Variants in ELMO1 observed in about 807,000 individuals in gnomAD.
The protein encoded by ELMO1 is engulfment and cell motility 1.
In ELMO1, 26 loss-of-function variants were observed where a neutral mutation model predicts 98.9. The ratio of observed to expected loss-of-function variants is 0.26; its 90% CI spans 0.19 to 0.36. The LOEUF is 0.36. ELMO1 is among the 10% of genes least tolerant of loss of function. The pLI is 1.00. For missense variants in ELMO1, 627 were observed against 935.2 expected (o/e 0.67, Z 4.30); for synonymous variants, 346 against 346.0 (o/e 1.00, Z 0.00).
At chr7:36,910,364 A>C (rs1258451693) in intron 16 of ELMO1, among the ~76,000 whole-genome samples, 2 of 152,232 alleles carry the variant, frequency 1.3e-5, no homozygotes, top group East Asian at 3.8e-4. Flanking sequence ...AAAGGAGGAA[A>C]GACCACTTCC....
chr7:37,159,591 T>C (rs1024092717), intron 13 of ELMO1, among the ~76,000 whole-genome samples: 4 of 152,042 alleles, frequency 2.6e-5, no homozygotes, highest in African/African-American at 9.7e-5. Flanking sequence ...TCCCAGCTAC[T>C]GGGGAGGCTG....
intron 1 of ELMO1, among the ~76,000 whole-genome samples, chr7:37,344,492 T>TAGG (rs969110857): frequency 1.3e-5 from 2 of 152,236 alleles, no homozygotes; most frequent in African/African-American, 4.8e-5. Context: ...ATTTGGGTGA[T>TAGG]TTCTTAAGTT....
intron 1 of ELMO1, among the ~76,000 whole-genome samples, chr7:37,410,860 G>T (rs1322486988): frequency 6.6e-6 from 1 of 152,172 alleles, no homozygotes; most frequent in African/African-American, 2.4e-5. Context: ...CTAAAGAAAA[G>T]GATGCAATTC....
intron 14 of ELMO1, chr7:37,116,926 G>A (rs1032966156): frequency 1.9e-5 from 4 of 211,240 alleles, no homozygotes; most frequent in Admixed American, 1.3e-4. Flanking sequence ...CGCAACAAGA[G>A]GGCAGGCTAC....
At chr7:37,393,943 G>A (rs1267530694) in intron 1 of ELMO1, 1 of 152,236 alleles carries the variant, frequency 6.6e-6, no homozygotes, top group African/African-American at 2.4e-5. Context: ...AGGTGGAAAG[G>A]AGAGATGATA....
intron 16 of ELMO1, among the ~76,000 whole-genome samples, chr7:37,006,865 T>G (rs1194305749): frequency 2.0e-5 from 3 of 152,314 alleles, no homozygotes; most frequent in South Asian, 2.1e-4. Flanking sequence ...ATACACTTAT[T>G]GAAAAAGATA....
At chr7:37,379,815 C>T (rs775248974) in intron 1 of ELMO1, among the ~76,000 whole-genome samples, 5 of 152,142 alleles carry the variant, frequency 3.3e-5, no homozygotes, top group Non-Finnish European at 5.9e-5. Context: ...GGACAGAGGA[C>T]GGGCCTCACA....
chr7:37,409,018 C>G (rs571332079), intron 1 of ELMO1, among the ~76,000 whole-genome samples: 1 of 151,236 alleles, frequency 6.6e-6, no homozygotes. Context: ...GCCATGGCAC[C>G]GAAAGCCTAA....
At chr7:37,075,985 T>A (rs893105057) in intron 15 of ELMO1, among the ~76,000 whole-genome samples, 45 of 152,368 alleles carry the variant, frequency 3.0e-4, no homozygotes, top group South Asian at 1.4e-3. Flanking sequence ...TGAGGGGAAC[T>A]TTTTAAACTC....
At chr7:37,311,648 TCTC>T (rs1798895680) in intron 4 of ELMO1, among the ~76,000 whole-genome samples, 1 of 152,182 alleles carries the variant, frequency 6.6e-6, no homozygotes, top group Non-Finnish European at 1.5e-5. Flanking sequence ...GTCACCGTCA[TCTC>T]CTGCTCTGTG....
At chr7:36,905,141 CTCTT>C (rs1022611797) in intron 16 of ELMO1, among the ~76,000 whole-genome samples, 21 of 152,348 alleles carry the variant, frequency 1.4e-4, no homozygotes, top group Admixed American at 3.3e-4. Context: ...TTCTGGAAAA[CTCTT>C]TCACCAACAG....
At chr7:36,960,917 T>G (rs1335220025) in intron 16 of ELMO1, among the ~76,000 whole-genome samples, 3 of 152,148 alleles carry the variant, frequency 2.0e-5, no homozygotes, top group Non-Finnish European at 4.4e-5. Context: ...TCTGCCGCAC[T>G]TGGGGTTTCT....
intron 1 of ELMO1, among the ~76,000 whole-genome samples, chr7:37,390,360 G>A (rs1312992360): frequency 1.3e-5 from 2 of 152,206 alleles, no homozygotes; most frequent in Admixed American, 1.3e-4. Context: ...GCAGAGTGGA[G>A]GGTGGCAGAA....
At chr7:37,152,455 T>C (rs758435068) in intron 13 of ELMO1, among the ~76,000 whole-genome samples, 110 of 152,036 alleles carry the variant, frequency 7.2e-4, no homozygotes, top group Non-Finnish European at 1.2e-3. Flanking sequence ...TTTTTTTTTT[T>C]TTTTTATGTT....
At chr7:37,070,280 C>T (rs1165349652) in intron 15 of ELMO1, among the ~76,000 whole-genome samples, 5 of 152,168 alleles carry the variant, frequency 3.3e-5, no homozygotes, top group Non-Finnish European at 5.9e-5. Flanking sequence ...TTCTGTGGCT[C>T]TTCACAAGCC....
At chr7:37,436,778 C>T (rs1805167926) in intron 1 of ELMO1, among the ~76,000 whole-genome samples, 1 of 152,164 alleles carries the variant, frequency 6.6e-6, no homozygotes, top group Admixed American at 6.5e-5. Flanking sequence ...CTTAGGTGGC[C>T]ATAAAATGAA....
intron 13 of ELMO1, among the ~76,000 whole-genome samples, chr7:37,187,334 G>A (rs926738805): frequency 1.3e-5 from 2 of 152,154 alleles, no homozygotes; most frequent in Non-Finnish European, 2.9e-5. Flanking sequence ...CAGCTAATGG[G>A]TCTTGTTGGG....
chr7:37,155,586 C>A (rs979530585), intron 13 of ELMO1, among the ~76,000 whole-genome samples: 2 of 150,620 alleles, frequency 1.3e-5, no homozygotes, highest in South Asian at 4.2e-4. Flanking sequence ...AATGCCATTA[C>A]ATAATGGTAA....
In ELMO1 at chr7:36,853,854, C is replaced by A. The variant is rs1802013238; in HGVS notation, c.*1697G>T. 6.6e-6 allele frequency among the ~76,000 whole-genome samples: 1 copy of A among 152,194 alleles called. No homozygotes were observed. The highest frequency in any genetic ancestry group is 1.5e-5 in the Non-Finnish European group (1 of 68,050). ...TACAATCCTGATAATGCCTCCAGTG[C>A]AAATGACTTAAGAAACATCCTTCGC... On this transcript the variant is annotated 3_prime_UTR_variant, in exon 22 of 22. Transcript: ENST00000310758.
Sources: gnomAD v4.1 joint callset for allele counts (sites outside exome capture counted in the v4.1 genomes callset) on GRCh38, gnomAD v4.1.1 for gene constraint, MANE v1.5 for transcripts, NCBI Gene and HGNC (gene_info 2026-07-23, HGNC 2026-07-21) for gene names.